KIAA2012: variants seen among roughly 807,000 people sequenced by gnomAD.
KIAA2012 encodes the protein uncharacterized protein KIAA2012.
In KIAA2012, 125 loss-of-function variants were observed where a neutral mutation model predicts 150.6. The ratio of observed to expected loss-of-function variants is 0.83; its 90% confidence interval spans 0.72 to 0.96. The LOEUF (loss-of-function observed/expected upper bound fraction) is 0.96. Ranked by LOEUF, KIAA2012 falls within the 40% of genes least tolerant of loss-of-function variation. The probability of loss-of-function intolerance (pLI) is 0.00; values close to 1 mark genes in which losing one functional copy is unlikely to be tolerated. For synonymous variants in KIAA2012, 462 were observed against 504.7 expected (o/e 0.92, Z 1.13); for missense variants, 1,219 against 1,354.9 (o/e 0.90, Z 1.57).
chr2:202,152,338 C>T (rs1691443433), intron 13 of KIAA2012, among the ~76,000 whole-genome samples: 2 of 152,080 alleles, frequency 1.3e-5, no homozygotes, highest in African/African-American at 2.4e-5. Context: ...ATTGTTTTAT[C>T]GAAAGATTTA....
chr2:202,148,236 G>A (rs143634070), intron 13 of KIAA2012, among the ~76,000 whole-genome samples: 1 of 152,262 alleles, frequency 6.6e-6, no homozygotes, highest in Non-Finnish European at 1.5e-5. Context: ...CTTAGCCAAA[G>A]TCACGAAATG....
chr2:202,103,145 G>A, intron 8 of KIAA2012, 31 bp downstream of exon 8: 1 of 1,545,124 alleles, frequency 6.5e-7, no homozygotes, highest in Non-Finnish European at 8.7e-7. Flanking sequence ...CACTCCTGAG[G>A]GAGAGCCTGG....
chr2:202,136,007 A>AAT (rs1559216602), intron 12 of KIAA2012: 17 of 309,006 alleles, frequency 5.5e-5, no homozygotes, highest in South Asian at 2.1e-4. Context: ...AAAAAAAAAA[A>AAT]TTTTTTTTGA....
Position 202,103,027 on chromosome 2 carries a change from A to C in KIAA2012, c.1237A>C (p.Asn413His). 1.3e-6 allele frequency: 2 copies of C among 1,550,554 alleles called. No individual in the cohort carries two copies. The highest frequency in any genetic ancestry group is 1.7e-6 in the Non-Finnish European group (2 of 1,146,968). ...GCCCCTGAAGAGCCAATTTAAAGCC[A>C]ATGAGCCCCCAACAGAGCTCTTCAT... ...LEPLKSQFKA[N>H]EPPTELFILP... Residue 413 changes from asparagine (N) to histidine (H), a missense_variant, in exon 8 of 24, where the codon AAT becomes CAT. Transcript: ENST00000498697.
intron 2 of KIAA2012, among the ~76,000 whole-genome samples, chr2:202,084,200 C>T (rs531089289): frequency 2.0e-5 from 3 of 152,252 alleles, no homozygotes; most frequent in East Asian, 3.9e-4. Flanking sequence ...CCACCGTCTG[C>T]GGTATGATGG....
chr2:202,197,092 C>T lies in KIAA2012; in HGVS notation c.3407+73C>T, dbSNP rs144452862. ...CTTCACTGTCCAGTGCTAGTGCTAG[C>T]TTTGCACTGCCTTTAGACAAGAAAA... On this transcript the variant is annotated intron_variant, in intron 22 of 23. Transcript: ENST00000498697. 1.3e-3 allele frequency: 2,037 copies of T among 1,543,292 alleles called. 19 individuals are homozygous for T. The African/African-American group carries it at 0.024, about 18-fold the overall frequency.
At chr2:202,181,976 A>C (rs574307972) in intron 15 of KIAA2012, among the ~76,000 whole-genome samples, 1 of 152,110 alleles carries the variant, frequency 6.6e-6, no homozygotes, top group South Asian at 2.1e-4. Context: ...AAGTTTCCTC[A>C]TACCTCCCCT....
chr2:202,189,528 G>A (rs1470872567), intron 18 of KIAA2012, among the ~76,000 whole-genome samples: 1 of 151,980 alleles, frequency 6.6e-6, no homozygotes, highest in Non-Finnish European at 1.5e-5. Flanking sequence ...CTAACTTCGT[G>A]ATCTGCCCGC....
Position 202,100,229 on chromosome 2 carries a change from C to T in KIAA2012, c.1013-78C>T, listed in dbSNP as rs372499547. The stretch of plus-strand genomic sequence containing the variant: ...CTGCCTTTCTCCCCATTAACTACGA[C>T]GTGATAAAAGTCAAAACTCAACTGT... On this transcript the variant is annotated intron_variant, in intron 6 of 23. Coordinates refer to ENST00000498697, the MANE Select transcript of KIAA2012 (RefSeq NM_001277372.4). 3.5e-5 allele frequency: 50 copies of T among 1,414,714 alleles called. No individual in the cohort carries two copies. In the African/African-American group the frequency reaches 4.9e-4, roughly 14 times the overall value. The allele number at this position is 1,414,714 out of a possible 1,614,324, so 87.6% of individuals were successfully genotyped here.
chr2:202,094,957 G>A (rs1689827816), intron 4 of KIAA2012, among the ~76,000 whole-genome samples: 1 of 152,212 alleles, frequency 6.6e-6, no homozygotes, highest in Non-Finnish European at 1.5e-5. Flanking sequence ...GATTAAACAT[G>A]TGGCCATTAG....
Position 202,089,365 on chromosome 2 carries a change from C to T in KIAA2012, c.370-1405C>T, listed in dbSNP as rs370611791. On this transcript the variant is annotated intron_variant, in intron 2 of 23. Transcript: ENST00000498697. ...ACAGTCTGGGAAACTCACTGAGGCA[C>T]CTGCTTCGAAACATCTTTATTTATT... 1.4e-3 allele frequency among the ~76,000 whole-genome samples: 216 copies of T among 152,296 alleles called. 2 individuals are homozygous for T. The highest frequency in any genetic ancestry group is 5.0e-3 in the African/African-American group (209 of 41,574).
intron 11 of KIAA2012, among the ~76,000 whole-genome samples, chr2:202,123,713 G>A (rs965067984): frequency 2.6e-5 from 4 of 152,152 alleles, no homozygotes; most frequent in African/African-American, 9.7e-5. Flanking sequence ...AAATTATTTG[G>A]AGATGAGTTT....
chr2:202,119,169 G>C (rs1175533522), intron 11 of KIAA2012, among the ~76,000 whole-genome samples: 2 of 152,122 alleles, frequency 1.3e-5, no homozygotes, highest in Non-Finnish European at 2.9e-5. Flanking sequence ...CTACTCGGGA[G>C]GCTGAGGCAG....
At chr2:202,166,648 C>A (rs79975774) in intron 15 of KIAA2012, among the ~76,000 whole-genome samples, 6,971 of 151,338 alleles carry the variant, frequency 0.046, 549 homozygotes, top group African/African-American at 0.16. Flanking sequence ...CAGAACCAGA[C>A]CCTGTCTCCA....
At chr2:202,168,221 C>T (rs530054516) in intron 15 of KIAA2012, among the ~76,000 whole-genome samples, 1 of 151,994 alleles carries the variant, frequency 6.6e-6, no homozygotes, top group Admixed American at 6.5e-5. Context: ...GAGATCGAGA[C>T]CGTCCTGGCC....
intron 9 of KIAA2012, 49 bp downstream of exon 9, chr2:202,105,959 G>C: frequency 6.4e-7 from 1 of 1,550,602 alleles, no homozygotes; most frequent in Non-Finnish European, 8.7e-7. Flanking sequence ...ACTCTGAAGG[G>C]AAGCAAGGCA....
intron 2 of KIAA2012, chr2:202,077,185 C>CA (rs1198253175): frequency 1.6e-5 from 6 of 381,356 alleles, no homozygotes; most frequent in Non-Finnish European, 2.1e-5. Context: ...GTTGCCCCCC[C>CA]AGCTGTTTGG....
chr2:202,170,103 T>C (rs1218365612), intron 15 of KIAA2012, among the ~76,000 whole-genome samples: 1 of 152,088 alleles, frequency 6.6e-6, no homozygotes, highest in Non-Finnish European at 1.5e-5. Context: ...TACATAAATC[T>C]CTTCTACCAC....
At chr2:202,078,508 C>T (rs552419896) in intron 2 of KIAA2012, among the ~76,000 whole-genome samples, 18 of 152,102 alleles carry the variant, frequency 1.2e-4, no homozygotes, top group Non-Finnish European at 2.5e-4. Context: ...AAGCTGGTCT[C>T]GAACTCCTAG....
Sources: allele counts gnomAD v4.1 joint callset (sites outside exome capture counted in the v4.1 genomes callset), GRCh38; gene constraint gnomAD v4.1.1; transcripts MANE v1.5; gene names NCBI Gene and HGNC (gene_info 2026-07-23, HGNC 2026-07-21).